Variants in CBX5 observed in about 807,000 individuals in gnomAD.
CBX5 encodes chromobox 5.
A neutral mutation model predicts 20.7 loss-of-function variants in CBX5; 7 were observed. That is an observed-to-expected ratio of 0.34 (90% CI 0.19 to 0.63). The LOEUF is 0.63. Ranked by LOEUF, CBX5 falls within the 30% of genes least tolerant of loss-of-function variation. CBX5 has a pLI of 0.75. For synonymous variants in CBX5, 78 were observed against 77.0 expected, an observed-to-expected ratio of 1.01 and a Z score of -0.07; for missense variants, 110 against 224.1, an observed-to-expected ratio of 0.49 and a Z score of 3.25.
At chr12:54,268,063 G>C (rs1396618545) in intron 1 of CBX5, among the ~76,000 whole-genome samples, 1 of 152,176 alleles carries the variant, frequency 6.6e-6, no homozygotes, top group Non-Finnish European at 1.5e-5. Context: ...AGAATCGCTT[G>C]AACCCGGGAG....
intron 4 of CBX5, among the ~76,000 whole-genome samples, chr12:54,243,090 C>A (rs1943695283): frequency 6.6e-6 from 1 of 151,932 alleles, no homozygotes; most frequent in Admixed American, 6.6e-5. Flanking sequence ...AACCACTGCA[C>A]TCCAGCCTGG....
At chr12:54,260,410 C>T (rs1241239000) in intron 1 of CBX5, among the ~76,000 whole-genome samples, 1 of 152,030 alleles carries the variant, frequency 6.6e-6, no homozygotes, top group Non-Finnish European at 1.5e-5. Flanking sequence ...GGAGAAATCG[C>T]TTGAACCCAG....
At chr12:54,268,260 G>C (rs771818559) in intron 1 of CBX5, among the ~76,000 whole-genome samples, 1 of 152,084 alleles carries the variant, frequency 6.6e-6, no homozygotes, top group Non-Finnish European at 1.5e-5. Flanking sequence ...TACATAATGG[G>C]TGATGACAGG....
chr12:54,251,655 A>T (rs1341279549), intron 3 of CBX5, among the ~76,000 whole-genome samples: 1 of 152,140 alleles, frequency 6.6e-6, no homozygotes, highest in East Asian at 1.9e-4. Flanking sequence ...ACTGCACTCC[A>T]GCCTGGGCAA....
Position 54,235,824 on chromosome 12 carries a change from G to A in CBX5, c.*5931C>T, listed in dbSNP as rs932432336. The A allele has an allele frequency of 6.6e-6, 1 of 152,164 alleles. No homozygotes were observed. The highest frequency in any genetic ancestry group is 1.5e-5 in the Non-Finnish European group (1 of 68,032). 9.4% of individuals were successfully genotyped at this position (152,164 alleles called of 1,614,324 possible). ...ATTGAAAAAGGTGTGAGCAACTCTG[G>A]TAAAGTGTCCATGAGGAATATGTTG... On this transcript the variant is annotated 3_prime_UTR_variant, in exon 5 of 5. Transcript: ENST00000209875.
intron 1 of CBX5, among the ~76,000 whole-genome samples, chr12:54,263,745 A>G (rs1448958653): frequency 1.5e-5 from 2 of 136,424 alleles, no homozygotes; most frequent in East Asian, 5.0e-4. Context: ...CCTGGGCAAC[A>G]GGGTAAGACT....
rs1943571779 is a variant in CBX5 at position 54,231,735 on chromosome 12, T to C, written c.*10020A>G. On this transcript the variant is annotated 3_prime_UTR_variant, in exon 5 of 5. Transcript: ENST00000209875. ...GGTTCAGACTGCAGACACTAAGAGA[T>C]GACAGATGTTGAATACGGTGAATGG... The C allele has an allele frequency of 1.3e-5, 2 of 152,324 alleles. No homozygotes were observed. The highest frequency in any genetic ancestry group is 4.1e-4 in the South Asian group (2 of 4,826). 9.4% of individuals were successfully genotyped at this position (152,324 alleles called of 1,614,324 possible).
rs141295261 is a variant in CBX5, at chr12:54,263,353, C to T, written c.-42-5661G>A. On this transcript the variant is annotated intron_variant, in intron 1 of 4. Coordinates refer to ENST00000209875, the MANE Select transcript of CBX5 (RefSeq NM_012117.3). ...TCCAGCCTGGACAACAAGGGCAAAA[C>T]TCCGTCTCAAAAAAAAACCAAACAA... Among the ~76,000 whole-genome samples the T allele has an allele frequency of 5.2e-3, 778 of 148,608 alleles. 3 individuals carry two copies. The highest frequency in any genetic ancestry group is 0.011 in the Admixed American group (166 of 14,838).
intron 1 of CBX5, among the ~76,000 whole-genome samples, chr12:54,264,734 T>G (rs542087631): frequency 6.6e-6 from 1 of 151,806 alleles, no homozygotes; most frequent in African/African-American, 2.4e-5. Context: ...TCCCAGCTAC[T>G]GGGGAGGCTG....
At chr12:54,277,776 C>T (rs539235680) in intron 1 of CBX5, among the ~76,000 whole-genome samples, 46 of 152,184 alleles carry the variant, frequency 3.0e-4, no homozygotes, top group Non-Finnish European at 5.3e-4. Flanking sequence ...ATCTTCTCAC[C>T]TTTACCTATT....
At chr12:54,241,966 T>TA in intron 4 of CBX5, 61 bp from the exon 5 acceptor site, 11 of 1,500,060 alleles carry the variant, frequency 7.3e-6, no homozygotes, top group Non-Finnish European at 1.0e-5. Context: ...TGTCCAGACA[T>TA]ACGTTTATGT....
At chr12:54,250,967 T>G (rs540947011) in intron 3 of CBX5, among the ~76,000 whole-genome samples, 1 of 150,750 alleles carries the variant, frequency 6.6e-6, no homozygotes, top group Admixed American at 6.6e-5. Flanking sequence ...CCGTCTCTAC[T>G]AAAGATACAA....
intron 4 of CBX5, 87 bp from the exon 5 acceptor site, chr12:54,241,992 G>A: frequency 7.5e-7 from 1 of 1,324,744 alleles, no homozygotes; most frequent in Non-Finnish European, 1.0e-6. Context: ...TATGGATTTA[G>A]TTGACTTGAT....
chr12:54,279,604 T>C (rs919324944), intron 1 of CBX5, among the ~76,000 whole-genome samples: 3 of 152,092 alleles, frequency 2.0e-5, no homozygotes, highest in Non-Finnish European at 2.9e-5. Context: ...ATTCGTTCCA[T>C]CCGTTTAACC....
Position 54,246,193 on chromosome 12 carries a change from C to T in CBX5, c.347G>A (p.Gly116Asp). ...TTCTGGTTCCAGTCCTCTCTCAAAG[C>T]CCCGAGCGATATCATTGCTCTGCTA... ...KREQSNDIAR[G>D]FERGLEPEKI... The change falls in exon 4 of 5, where the codon GGC (glycine) becomes GAC (aspartate). Residue 116 changes from glycine to aspartate, a missense_variant. Transcript: ENST00000209875. 1 of 1,613,252 alleles carries T rather than the reference C, an allele frequency of 6.2e-7. No homozygotes were observed. Among genetic ancestry groups the T allele is most frequent in the Non-Finnish European group, 8.5e-7 (1 of 1,179,290 alleles).
At chr12:54,276,271 T>C (rs1920046) in intron 1 of CBX5, among the ~76,000 whole-genome samples, 72,961 of 151,966 alleles carry the variant, frequency 0.48, 18,477 homozygotes, top group African/African-American at 0.63. Flanking sequence ...ATATGAAAAA[T>C]TGAAAATTCA....
chr12:54,274,664 G>A (rs1944043011), intron 1 of CBX5, among the ~76,000 whole-genome samples: 1 of 152,164 alleles, frequency 6.6e-6, no homozygotes. Context: ...ATAGAGCCGG[G>A]CACAGTGGCT....
Position 54,236,375 on chromosome 12 carries a change from T to C in CBX5, c.*5380A>G, listed in dbSNP as rs1943622793. On this transcript the variant is annotated 3_prime_UTR_variant, in exon 5 of 5. Transcript: ENST00000209875. ...TATCTTCAGGCCAAAAAAATGTCTG[T>C]TGAATGAAACCAATGTTGATGTACA... is the stretch of plus-strand genomic sequence containing the variant. 1 of 152,210 alleles carries C rather than the reference T, an allele frequency of 6.6e-6. No homozygotes were observed. The highest frequency in any genetic ancestry group is 6.5e-5 in the Admixed American group (1 of 15,272). The allele number at this position is 152,210 out of a possible 1,614,324, so 9.4% of individuals were successfully genotyped here.
At chr12:54,269,514 G>A (rs1461504903) in intron 1 of CBX5, among the ~76,000 whole-genome samples, 7 of 151,834 alleles carry the variant, frequency 4.6e-5, no homozygotes, top group East Asian at 2.0e-4. Flanking sequence ...TCAGCCTCCC[G>A]AGTAGCTGGG....
Sources: allele counts gnomAD v4.1 joint callset (sites outside exome capture counted in the v4.1 genomes callset), GRCh38; gene constraint gnomAD v4.1.1; transcripts MANE v1.5; gene names NCBI Gene and HGNC (gene_info 2026-07-23, HGNC 2026-07-21).